DOT1L: variants seen among roughly 807,000 people sequenced by gnomAD.
DOT1L encodes DOT1 like histone lysine methyltransferase, also known as histone-lysine N-methyltransferase, H3 lysine-79 specific.
In DOT1L, 33 loss-of-function variants were observed where a neutral mutation model predicts 153.3. The observed-to-expected ratio is 0.22, with a 90% confidence interval of 0.16 to 0.29. The LOEUF (loss-of-function observed/expected upper bound fraction) is 0.29. Among genes scored for constraint, DOT1L ranks in the 10% least tolerant of loss-of-function variants. The probability of loss-of-function intolerance (pLI) is 1.00; values close to 1 mark genes in which losing one functional copy is unlikely to be tolerated. For missense variants in DOT1L, 1,847 were observed against 2,119.9 expected, an observed-to-expected ratio of 0.87 and a Z score of 2.53; for synonymous variants, 1,135 against 965.1, an observed-to-expected ratio of 1.18 and a Z score of -3.26.
At chr19:2,181,625 C>CT (rs1016523937) in intron 2 of DOT1L, among the ~76,000 whole-genome samples, 7 of 152,212 alleles carry the variant, frequency 4.6e-5, no homozygotes, top group East Asian at 1.9e-4. Context: ...GTGGGATCTG[C>CT]TTTTTTTTAA....
intron 2 of DOT1L, among the ~76,000 whole-genome samples, chr19:2,184,197 G>C (rs2022385771): frequency 6.6e-6 from 1 of 152,164 alleles, no homozygotes; most frequent in African/African-American, 2.4e-5. Flanking sequence ...AGATGGCCTT[G>C]CTTGGGTTGC....
intron 18 of DOT1L, 38 bp from the exon 19 acceptor site, chr19:2,214,433 G>A (rs1341901545): frequency 2.5e-6 from 4 of 1,604,318 alleles, no homozygotes; most frequent in Non-Finnish European, 3.4e-6. Flanking sequence ...TGGGCAGGCA[G>A]CCAGCCAGTC....
In DOT1L at chr19:2,189,745, C is replaced by G; in HGVS notation, c.214C>G (p.Gln72Glu). 1.2e-6 allele frequency: 2 copies of G among 1,611,632 alleles called. No individual in the cohort carries two copies. The highest frequency in any genetic ancestry group is 1.7e-6 in the Non-Finnish European group (2 of 1,179,978). ...TGCCTTTTTCAGCTTCGAGAGCATGCAGAGGCTCTGCGACAAGTACAACCG... is the reference window on the plus strand; with the variant it reads ...TGCCTTTTTCAGCTTCGAGAGCATGGAGAGGCTCTGCGACAAGTACAACCG... ...DYDTKSFESM[Q>E]RLCDKYNRAI... is the part of the protein sequence containing the mutation. Residue 72 changes from glutamine to glutamate, a missense_variant, in exon 4 of 28, where the codon CAG (glutamine) becomes GAG (glutamate). Gln to Glu is a conservative substitution (Grantham distance 29). Transcript: ENST00000398665.
chr19:2,219,298 G>C (rs1243008360), intron 22 of DOT1L, among the ~76,000 whole-genome samples: 1 of 152,270 alleles, frequency 6.6e-6, no homozygotes, highest in East Asian at 1.9e-4. Flanking sequence ...GTCAGCCCCC[G>C]TGCCCGGCCG....
Position 2,191,947 on chromosome 19 carries a change from C to T in DOT1L, c.493+707C>T, listed in dbSNP as rs772766775. ...CTGGCTGAAGCACAGATGAGCGGCC[C>T]GTACACGAACAGCCTCAGTAGCCTG... On this transcript the variant is annotated intron_variant, in intron 5 of 27. Coordinates refer to ENST00000398665, the MANE Select transcript of DOT1L (RefSeq NM_032482.3). The surrounding 1 kb of genome is among the most constrained non-coding windows in gnomAD (Gnocchi z 6.8). 5.9e-5 allele frequency among the ~76,000 whole-genome samples: 9 copies of T among 152,182 alleles called. No homozygotes were observed. The East Asian group carries it at 7.7e-4, about 13-fold the overall frequency.
In DOT1L at chr19:2,220,648, C is replaced by T; in HGVS notation, c.2806+426C>T. 2.5e-6 allele frequency: 1 copy of T among 406,574 alleles called. No homozygotes were observed. 25.2% of individuals were successfully genotyped at this position (406,574 alleles called of 1,614,324 possible). On this transcript the variant is annotated intron_variant, in intron 23 of 27. Transcript: ENST00000398665. The surrounding 1 kb of genome is among the most constrained non-coding windows in gnomAD (Gnocchi z 4.5). ...GTTCCTTGAGAAGGTGCCGCCTGAG[C>T]AGTCTCTGCTGTTAGCCCAGTTTCT... is the stretch of plus-strand genomic sequence containing the variant.
chr19:2,190,898 G>A lies in DOT1L; in HGVS notation c.265-114G>A, dbSNP rs1028435724. On this transcript the variant is annotated intron_variant, in intron 4 of 27. Coordinates refer to ENST00000398665, the MANE Select transcript of DOT1L (RefSeq NM_032482.3). The surrounding 1 kb of genome is among the most constrained non-coding windows in gnomAD (Gnocchi z 4.8). ...CCCGGCAGCCACCCTGCAGGGGGACGAGAGGCCATGCAGCCGACTCCCTGC... is the reference window on the plus strand; with the variant it reads ...CCCGGCAGCCACCCTGCAGGGGGACAAGAGGCCATGCAGCCGACTCCCTGC... 7 of 989,538 alleles carry A rather than the reference G, an allele frequency of 7.1e-6. No individual in the cohort carries two copies. Among genetic ancestry groups the A allele is most frequent in the Admixed American group, 7.0e-5 (3 of 43,064 alleles). 61.3% of individuals were successfully genotyped at this position (989,538 alleles called of 1,614,324 possible). A position where few individuals can be genotyped will look rare whatever the true frequency, so the allele number is the denominator to read the frequency against.
chr19:2,211,554 G>A (rs1266527017), intron 15 of DOT1L, among the ~76,000 whole-genome samples, 197 bp from the exon 16 acceptor site: 1 of 152,192 alleles, frequency 6.6e-6, no homozygotes, highest in African/African-American at 2.4e-5. Flanking sequence ...ACACTTGGCT[G>A]CGCAGGGGTC....
intron 1 of DOT1L, among the ~76,000 whole-genome samples, chr19:2,164,963 C>G (rs921081677): frequency 6.6e-6 from 1 of 152,198 alleles, no homozygotes; most frequent in Non-Finnish European, 1.5e-5. Flanking sequence ...TGGGCTCACC[C>G]CCGGAGTTAG....
intron 2 of DOT1L, among the ~76,000 whole-genome samples, chr19:2,181,423 T>A (rs1221702833): frequency 6.6e-6 from 1 of 152,148 alleles, no homozygotes; most frequent in African/African-American, 2.4e-5. Flanking sequence ...TGCCCAGGCC[T>A]GCAGCTGCCA....
At chr19:2,229,163 A>G (rs2024492815) in intron 27 of DOT1L, 1 of 985,410 alleles carries the variant, frequency 1.0e-6, no homozygotes, top group African/African-American at 1.7e-5. Flanking sequence ...AGTGATTTTG[A>G]TGATGTGAGG....
Position 2,231,987 on chromosome 19 carries a change from C to T in DOT1L, c.*2195C>T, listed in dbSNP as rs911225776. The T allele has an allele frequency of 2.9e-5, 6 of 210,148 alleles. No homozygotes were observed. Among genetic ancestry groups the T allele is most frequent in the Admixed American group, 1.2e-4 (2 of 16,918 alleles). The allele number at this position is 210,148 out of a possible 1,614,324, so 13.0% of individuals were successfully genotyped here. ...AACTAGTGTGGTGGCTGCCTGCGGA[C>T]ACCCTCCTGTTCTGAGCCCTGGGCC... On this transcript the variant is annotated 3_prime_UTR_variant, in exon 28 of 28. Transcript: ENST00000398665.
chr19:2,222,040 A>G lies in DOT1L; in HGVS notation c.2871A>G (p.Thr957=), dbSNP rs1189907947. The G allele has an allele frequency of 6.2e-7, 1 of 1,612,500 alleles. No individual in the cohort carries two copies. Among genetic ancestry groups the G allele is most frequent in the Non-Finnish European group, 8.5e-7 (1 of 1,179,716 alleles). The change falls in exon 24 of 28, where the codon ACA becomes ACG. Residue 957 remains threonine, a synonymous_variant. Coordinates refer to ENST00000398665, the MANE Select transcript of DOT1L (RefSeq NM_032482.3). The surrounding 1 kb of genome is among the most constrained non-coding windows in gnomAD (Gnocchi z 6.5). ...GALAGSPASL[T]PGAEPATLDE... is the part of the protein sequence containing the mutation. ...TGGCGGGCAGCCCGGCCTCTCTCAC[A>G]CCTGGAGCCGAGCCGGCCACCTTGG...
intron 1 of DOT1L, among the ~76,000 whole-genome samples, chr19:2,164,897 A>G (rs1033211810): frequency 1.3e-5 from 2 of 152,178 alleles, no homozygotes; most frequent in Admixed American, 6.5e-5. Context: ...GGTTGGGGAC[A>G]GGCTTTATTT....
At chr19:2,205,818 C>T (rs574837108) in intron 9 of DOT1L, among the ~76,000 whole-genome samples, 5 of 152,128 alleles carry the variant, frequency 3.3e-5, no homozygotes, top group African/African-American at 9.6e-5. Flanking sequence ...CCCAGCCTCC[C>T]GAGTAGCTGG....
intron 7 of DOT1L, among the ~76,000 whole-genome samples, chr19:2,196,785 C>T (rs541989133): frequency 3.3e-5 from 5 of 152,318 alleles, no homozygotes; most frequent in Middle Eastern, 3.4e-3. Flanking sequence ...GAGGGCAAGA[C>T]GGGTACCCTT....
In DOT1L at chr19:2,187,718, C is replaced by G. The variant is rs144779897; in HGVS notation, c.200+1789C>G. On this transcript the variant is annotated intron_variant, in intron 3 of 27. Coordinates refer to ENST00000398665, the MANE Select transcript of DOT1L (RefSeq NM_032482.3). ...CGGATGGATCACGAGGTCAGGAGATCGAGACCATCCTCGCTAGCACAGTGA... is the reference window on the plus strand; with the variant it reads ...CGGATGGATCACGAGGTCAGGAGATGGAGACCATCCTCGCTAGCACAGTGA... Among the ~76,000 whole-genome samples, 1,244 of 152,178 alleles carry G rather than the reference C, an allele frequency of 8.2e-3. 9 individuals carry two copies. Among genetic ancestry groups the G allele is most frequent in the Non-Finnish European group, 0.013 (880 of 67,998 alleles).
Position 2,231,043 on chromosome 19 carries a change from CT to C in DOT1L, c.*1252del. On this transcript the variant is annotated 3_prime_UTR_variant, in exon 28 of 28. Coordinates refer to ENST00000398665, the MANE Select transcript of DOT1L (RefSeq NM_032482.3). Reference sequence around the variant, plus strand: ...CTGCAGCCTTGGCGGGTGCCTGGGACTGGGTGTGGAAGGAGAGGAGCTGAGG... The same window carrying C: ...CTGCAGCCTTGGCGGGTGCCTGGGACGGGTGTGGAAGGAGAGGAGCTGAGG... 1 of 235,756 alleles carries C rather than the reference CT, an allele frequency of 4.2e-6. No homozygotes were observed. The highest frequency in any genetic ancestry group is 8.3e-6 in the Non-Finnish European group (1 of 120,142). 14.6% of individuals were successfully genotyped at this position (235,756 alleles called of 1,614,324 possible).
Position 2,217,122 on chromosome 19 carries a change from G to A in DOT1L, c.2544+32G>A, listed in dbSNP as rs775373891. The stretch of plus-strand genomic sequence containing the variant: ...GCCGCGACCCCTGCCCCGGGCTCAG[G>A]GAGGTGCTCAGCAGAGGCGGCCTGA... On this transcript the variant is annotated intron_variant, in intron 21 of 27. Coordinates refer to ENST00000398665, the MANE Select transcript of DOT1L (RefSeq NM_032482.3). The surrounding 1 kb of genome is among the most constrained non-coding windows in gnomAD (Gnocchi z 7.3). 6.4e-7 allele frequency: 1 copy of A among 1,555,636 alleles called. No individual in the cohort carries two copies. The highest frequency in any genetic ancestry group is 1.2e-5 in the South Asian group (1 of 86,648).
Sources: allele counts gnomAD v4.1 joint callset (sites outside exome capture counted in the v4.1 genomes callset), GRCh38; gene constraint gnomAD v4.1.1; non-coding constraint Gnocchi (gnomAD v3.1); transcripts MANE v1.5; gene names NCBI Gene and HGNC (gene_info 2026-07-23, HGNC 2026-07-21).